The following RECQL5 variants were observed in gnomAD, a reference collection of about 807,000 sequenced individuals.
The protein encoded by RECQL5 is ATP-dependent DNA helicase Q5.
In RECQL5, 88 loss-of-function variants were observed where a neutral mutation model predicts 103.4. The ratio of observed to expected loss-of-function variants is 0.85; its 90% CI spans 0.72 to 1.02. RECQL5 has a LOEUF of 1.02. Ranked by LOEUF, RECQL5 falls within the 50% of genes least tolerant of loss-of-function variation. The pLI is 0.00. For missense variants in RECQL5, 1,232 were observed against 1,284.3 expected, an observed-to-expected ratio of 0.96 and a Z score of 0.62; for synonymous variants, 552 against 507.9, an observed-to-expected ratio of 1.09 and a Z score of -1.17.
chr17:75,666,738 CTCAG>C, intron 1 of RECQL5, 167 bp from the exon 2 acceptor site: 1 of 642,492 alleles, frequency 1.6e-6, no homozygotes, highest in Non-Finnish European at 2.6e-6. Flanking sequence ...CAATACATTC[CTCAG>C]TAATTAACAT....
At chr17:75,661,169 T>C in intron 5 of RECQL5, 103 bp from the exon 6 acceptor site, 2 of 844,958 alleles carry the variant, frequency 2.4e-6, no homozygotes, top group Non-Finnish European at 4.1e-6. Flanking sequence ...TCACAAACCC[T>C]GAATCTTTCA....
chr17:75,655,600 G>T (rs758818436), intron 7 of RECQL5, among the ~76,000 whole-genome samples: 2 of 152,182 alleles, frequency 1.3e-5, no homozygotes, highest in Non-Finnish European at 1.5e-5. Context: ...TCCTGACCTC[G>T]TGATCTGCCC....
chr17:75,645,300 ATTTC>A (rs1395526998), intron 8 of RECQL5, among the ~76,000 whole-genome samples: 1 of 152,178 alleles, frequency 6.6e-6, no homozygotes, highest in African/African-American at 2.4e-5. Context: ...TCTAGAAAGA[ATTTC>A]TTTCTCCACT....
Position 75,666,473 on chromosome 17 carries a change from A to G in RECQL5, c.85T>C (p.Phe29Leu). 1 of 1,614,174 alleles carries G rather than the reference A, an allele frequency of 6.2e-7. No homozygotes were observed. Among genetic ancestry groups the G allele is most frequent in the Non-Finnish European group, 8.5e-7 (1 of 1,180,030 alleles). ...TLKKVFGFDS[F>L]KTPLQESATM... ...GCACTCTCCTGTAAAGGCGTCTTAA[A>G]AGAGTCAAACCCAAAGACCTTCTTC... The change falls in exon 2 of 20, where the codon TTT becomes CTT. Residue 29 changes from phenylalanine (F) to leucine (L), a missense_variant. Phe to Leu is a conservative substitution (Grantham distance 22). Transcript: ENST00000317905.
intron 8 of RECQL5, chr17:75,647,370 G>C: frequency 6.5e-7 from 1 of 1,545,558 alleles, no homozygotes; most frequent in Non-Finnish European, 8.7e-7. Context: ...CTCTTTTCCA[G>C]ATTCTCATGG....
At chr17:75,639,494 G>C (rs1274336683) in intron 8 of RECQL5, 1 of 152,304 alleles carries the variant, frequency 6.6e-6, no homozygotes, top group African/African-American at 2.4e-5. Context: ...GGTCAGGCTA[G>C]AGAAACAGAT....
At chr17:75,653,718 G>C (rs531843952) in intron 7 of RECQL5, among the ~76,000 whole-genome samples, 1 of 152,050 alleles carries the variant, frequency 6.6e-6, no homozygotes, top group Non-Finnish European at 1.5e-5. Flanking sequence ...GGCCAATGTG[G>C]TGAAACCTGT....
rs376044214 is a variant in RECQL5, at chr17:75,628,006, TAAAA to T, written c.2805+208_2805+211del. ...TGCACTCCAGCCTGGGCGACAGAGA[TAAAA>T]AAAAAAAAAAAAGAGAGCAGGACCC... On this transcript the variant is annotated intron_variant, in intron 18 of 19. Coordinates refer to ENST00000317905, the MANE Select transcript of RECQL5 (RefSeq NM_004259.7). 5.6e-3 allele frequency among the ~76,000 whole-genome samples: 535 copies of T among 96,144 alleles called. 2 individuals carry two copies. Among genetic ancestry groups the T allele is most frequent in the Non-Finnish European group, 9.6e-3 (421 of 43,754 alleles). The allele number at this position is 96,144 out of a possible 152,430, so 63.1% of individuals were successfully genotyped here.
chr17:75,647,390 T>C (rs368555787), intron 8 of RECQL5: 4 of 1,549,198 alleles, frequency 2.6e-6, no homozygotes, highest in Admixed American at 2.0e-5. Flanking sequence ...GACCAACTGG[T>C]ATTCAAAGAG....
In RECQL5 at chr17:75,628,333, G is replaced by A; in HGVS notation, c.2690C>T (p.Pro897Leu). 6.2e-7 allele frequency: 1 copy of A among 1,614,120 alleles called. No homozygotes were observed. The highest frequency in any genetic ancestry group is 8.5e-7 in the Non-Finnish European group (1 of 1,180,016). ...VSASEQGTLN[P>L]TAQDPFQLSA... ...GAGCTGGAAGGGGTCTTGAGCCGTG[G>A]GATTCAAGGTGCCCTGTTCGCTGGC... Residue 897 changes from proline (P) to leucine (L), a missense_variant, in exon 18 of 20, where the codon CCC becomes CTC. Physicochemically the swap from Pro to Leu is moderately conservative, Grantham distance 98 (BLOSUM62 -3). Transcript: ENST00000317905.
At chr17:75,630,536 C>T in intron 13 of RECQL5, 83 bp downstream of exon 13, 1 of 1,450,416 alleles carries the variant, frequency 6.9e-7, no homozygotes, top group South Asian at 1.2e-5. Flanking sequence ...GTGGCCCAAA[C>T]AGGCCAGGGT....
intron 7 of RECQL5, among the ~76,000 whole-genome samples, chr17:75,657,379 C>G (rs2059637386): frequency 6.6e-6 from 1 of 152,046 alleles, no homozygotes; most frequent in Non-Finnish European, 1.5e-5. Context: ...CTGAGCAACA[C>G]AGAGAGACCC....
intron 8 of RECQL5, among the ~76,000 whole-genome samples, chr17:75,648,627 C>G (rs1474014990): frequency 6.6e-6 from 1 of 150,420 alleles, no homozygotes; most frequent in African/African-American, 2.4e-5. Flanking sequence ...CCCGCCTCAG[C>G]CTCCAAAGTG....
At chr17:75,647,743 A>T in intron 8 of RECQL5, 1 of 634,220 alleles carries the variant, frequency 1.6e-6, no homozygotes, top group East Asian at 2.9e-5. Context: ...TCAGACTAGT[A>T]AGATGGGGAG....
intron 8 of RECQL5, among the ~76,000 whole-genome samples, chr17:75,632,017 T>C (rs2059225876): frequency 6.6e-6 from 1 of 152,192 alleles, no homozygotes; most frequent in African/African-American, 2.4e-5. Flanking sequence ...GTCTTTTGGG[T>C]GACACACTTC....
At position 75,640,217 on chromosome 17, in the gene RECQL5, T is replaced by G. The variant is rs1188936335; in HGVS notation, c.1230-8549A>C. The G allele has an allele frequency of 1.9e-6, 3 of 1,549,880 alleles. No individual in the cohort carries two copies. Among genetic ancestry groups the G allele is most frequent in the Non-Finnish European group, 1.7e-6 (2 of 1,146,364 alleles). ...CCAGCGCGGCATGGCTGCCACCGAC[T>G]TCGTGCAGGAGATGCGCGCCGTGGG... On this transcript the variant is annotated intron_variant, in intron 8 of 19. Transcript: ENST00000317905. This position sits in a 1 kb window ranked among gnomAD's most constrained non-coding sequence, Gnocchi z 4.6.
In RECQL5 at chr17:75,628,842, CAG is replaced by C. The variant is rs760890908; in HGVS notation, c.2490-82_2490-81del. The C allele has an allele frequency of 7.5e-5, 120 of 1,595,002 alleles. No individual in the cohort carries two copies. The African/African-American group carries it at 1.0e-3, about 13-fold the overall frequency. On this transcript the variant is annotated intron_variant, in intron 16 of 19. Coordinates refer to ENST00000317905, the MANE Select transcript of RECQL5 (RefSeq NM_004259.7). ...CCAGGAGGCCTAGGAGAGCCCATCT[CAG>C]GGGTGAGCTCTGAGCTTCAGACGCC...
chr17:75,662,725 A>C lies in RECQL5; in HGVS notation c.525T>G (p.Arg175=). The change falls in exon 4 of 20, where the codon CGT becomes CGG. Residue 175 remains arginine, a synonymous_variant. Coordinates refer to ENST00000317905, the MANE Select transcript of RECQL5 (RefSeq NM_004259.7). ...CCAGGCGGGAGCGCAGGGCACCCAG[A>C]CGCAAGTAGTCAGGACGAAAGTCAT... ...WGHDFRPDYL[R]LGALRSRLGH... The C allele has an allele frequency of 6.2e-7, 1 of 1,614,044 alleles. No homozygotes were observed. Among genetic ancestry groups the C allele is most frequent in the East Asian group, 2.2e-5 (1 of 44,890 alleles).
intron 8 of RECQL5, chr17:75,634,036 C>T (rs1212332017): frequency 1.6e-5 from 16 of 985,440 alleles, no homozygotes; most frequent in Non-Finnish European, 1.9e-5. Context: ...ATCTCCAGGA[C>T]GACCAACAAC....
Sources: gnomAD v4.1 joint callset for allele counts (sites outside exome capture counted in the v4.1 genomes callset) on GRCh38, gnomAD v4.1.1 for gene constraint, Gnocchi (gnomAD v3.1) non-coding constraint, MANE v1.5 for transcripts, NCBI Gene and HGNC (gene_info 2026-07-23, HGNC 2026-07-21) for gene names.